TNKS: variants seen among roughly 807,000 people sequenced by gnomAD.
TNKS encodes tankyrase.
TNKS carries 72 observed loss-of-function variants against 135.8 expected under a neutral mutation model. The observed-to-expected ratio is 0.53, with a 90% confidence interval of 0.44 to 0.64. The LOEUF (loss-of-function observed/expected upper bound fraction) is 0.64, where lower values mean the gene tolerates loss of function less well. Ranked by LOEUF, TNKS falls within the 30% of genes least tolerant of loss-of-function variation. TNKS has a pLI of 0.00. For synonymous variants in TNKS, 849 were observed against 649.3 expected (o/e 1.31, Z -4.68); for missense variants, 1,769 against 1,674.0 (o/e 1.06, Z -0.99).
chr8:9,714,431 T>C (rs1348901301), intron 11 of TNKS, among the ~76,000 whole-genome samples: 3 of 152,178 alleles, frequency 2.0e-5, no homozygotes, highest in Admixed American at 1.3e-4. Context: ...GAGCCTTTTT[T>C]CCCACATTTG....
At chr8:9,771,982 T>G (rs1215087927) in intron 26 of TNKS, among the ~76,000 whole-genome samples, 12 of 21,092 alleles carry the variant, frequency 5.7e-4, no homozygotes, top group Non-Finnish European at 7.8e-4. Context: ...GAGAAAGAGG[T>G]GGGAGGGAAG....
At chr8:9,708,545 C>G (rs1804164739) in intron 9 of TNKS, 53 bp downstream of exon 9, 1 of 1,388,844 alleles carries the variant, frequency 7.2e-7, no homozygotes, top group Admixed American at 2.6e-5. Context: ...AACGTAAGCA[C>G]AAAATATGAT....
chr8:9,655,929 A>G (rs1433547803), intron 3 of TNKS, among the ~76,000 whole-genome samples: 2 of 152,246 alleles, frequency 1.3e-5, no homozygotes, highest in East Asian at 3.8e-4. Flanking sequence ...AAGGCTTCAG[A>G]AGATCAAACT....
At chr8:9,593,198 G>T (rs1040173830) in intron 2 of TNKS, among the ~76,000 whole-genome samples, 1 of 152,144 alleles carries the variant, frequency 6.6e-6, no homozygotes, top group African/African-American at 2.4e-5. Flanking sequence ...ATTGTAAAGG[G>T]TTTTCCCTCG....
chr8:9,750,678 C>G (rs1401235175), intron 18 of TNKS, among the ~76,000 whole-genome samples: 1 of 152,218 alleles, frequency 6.6e-6, no homozygotes, highest in Non-Finnish European at 1.5e-5. Flanking sequence ...CTTCCAGGTA[C>G]TGGTGTGCAT....
chr8:9,613,069 C>T lies in TNKS; in HGVS notation c.899-2513C>T, dbSNP rs1368974533. Among the ~76,000 whole-genome samples the T allele has an allele frequency of 2.6e-5, 4 of 152,092 alleles. No individual in the cohort carries two copies. The East Asian group carries it at 7.7e-4, about 29-fold the overall frequency. On this transcript the variant is annotated intron_variant, in intron 2 of 26. Coordinates refer to ENST00000310430, the MANE Select transcript of TNKS (RefSeq NM_003747.3). ...GTCTCAGGGGTGGCAGAGACAGGCA[C>T]ACTCAGTGTAACTTTTACTGAAAAA...
chr8:9,577,896 A>G (rs1798014615), intron 1 of TNKS, among the ~76,000 whole-genome samples: 1 of 152,242 alleles, frequency 6.6e-6, no homozygotes. Context: ...AAAGCCAGTT[A>G]GTTAGTTACA....
chr8:9,675,894 G>A (rs1405786479), intron 3 of TNKS, among the ~76,000 whole-genome samples: 1 of 152,052 alleles, frequency 6.6e-6, no homozygotes, highest in Non-Finnish European at 1.5e-5. Context: ...TGGGGTTGAG[G>A]TGACACGGAG....
At chr8:9,670,927 C>T (rs886074715) in intron 3 of TNKS, 1 of 152,108 alleles carries the variant, frequency 6.6e-6, no homozygotes, top group African/African-American at 2.4e-5. Context: ...TACCCTGAAC[C>T]TAAGATAGAA....
chr8:9,754,090 T>G (rs1345763312), intron 20 of TNKS, among the ~76,000 whole-genome samples: 1 of 152,206 alleles, frequency 6.6e-6, no homozygotes, highest in Non-Finnish European at 1.5e-5. Context: ...AGGCCACCAG[T>G]ATAATCCTGG....
At chr8:9,655,119 C>T (rs970447999) in intron 3 of TNKS, among the ~76,000 whole-genome samples, 21 of 152,210 alleles carry the variant, frequency 1.4e-4, no homozygotes, top group Non-Finnish European at 2.5e-4. Flanking sequence ...TTGGAGGATC[C>T]TACGCCCATG....
At chr8:9,716,568 T>C (rs1272825192) in intron 11 of TNKS, among the ~76,000 whole-genome samples, 1 of 152,160 alleles carries the variant, frequency 6.6e-6, no homozygotes, top group Non-Finnish European at 1.5e-5. Context: ...CCCAGAAATA[T>C]GTGTAAGAAT....
intron 12 of TNKS, among the ~76,000 whole-genome samples, chr8:9,725,759 T>C (rs553616071): frequency 2.6e-5 from 4 of 152,370 alleles, no homozygotes; most frequent in Middle Eastern, 3.4e-3. Flanking sequence ...CCACACTTCA[T>C]GTACATAAAC....
intron 20 of TNKS, among the ~76,000 whole-genome samples, chr8:9,753,853 A>T (rs1317986997): frequency 6.6e-6 from 1 of 152,184 alleles, no homozygotes; most frequent in East Asian, 1.9e-4. Flanking sequence ...GCTTACGCTT[A>T]CCCTGTTTTG....
intron 3 of TNKS, among the ~76,000 whole-genome samples, chr8:9,679,245 T>C (rs1214964954): frequency 6.6e-6 from 1 of 152,202 alleles, no homozygotes; most frequent in African/African-American, 2.4e-5. Flanking sequence ...TATGTTAAAA[T>C]TGGTATTGAA....
chr8:9,679,705 T>G, intron 3 of TNKS: 1 of 448,582 alleles, frequency 2.2e-6, no homozygotes, highest in East Asian at 3.5e-5. Context: ...TTAGCATTCA[T>G]TGGTTGTCTG....
chr8:9,692,355 C>T (rs75053378), intron 5 of TNKS, among the ~76,000 whole-genome samples: 1 of 152,264 alleles, frequency 6.6e-6, no homozygotes, highest in African/African-American at 2.4e-5. Context: ...ATCCATGTCG[C>T]TGTAAAGGTT....
chr8:9,717,101 ATT>A lies in TNKS; in HGVS notation c.1750-3270_1750-3269del, dbSNP rs370418249. 2.2e-3 allele frequency among the ~76,000 whole-genome samples: 261 copies of A among 119,322 alleles called. 7 individuals are homozygous for A. Among genetic ancestry groups the A allele is most frequent in the African/African-American group, 5.1e-3 (178 of 34,580 alleles). The allele number at this position is 119,322 out of a possible 152,430, so 78.3% of individuals were successfully genotyped here. On this transcript the variant is annotated intron_variant, in intron 11 of 26. Transcript: ENST00000310430. ...TATATATATATATATATATATATAT[ATT>A]TTCAGGGAATTTGATTGTTTCTTTT...
chr8:9,727,533 A>G (rs779084964), intron 13 of TNKS, among the ~76,000 whole-genome samples: 15 of 152,092 alleles, frequency 9.9e-5, no homozygotes, highest in East Asian at 1.9e-4. Flanking sequence ...CCTGCCTACT[A>G]TCCAAGTAGC....
Sources: allele counts gnomAD v4.1 joint callset (sites outside exome capture counted in the v4.1 genomes callset), GRCh38; gene constraint gnomAD v4.1.1; transcripts MANE v1.5; gene names NCBI Gene and HGNC (gene_info 2026-07-23, HGNC 2026-07-21).